Variants in CPNE8 observed in about 807,000 individuals in gnomAD.
CPNE8 encodes the protein copine 8, also known as copine-8.
CPNE8 carries 45 observed loss-of-function variants against 81.5 expected under a neutral mutation model. The observed-to-expected ratio is 0.55, with a 90% CI of 0.44 to 0.71. The LOEUF (loss-of-function observed/expected upper bound fraction) is 0.71, where lower values mean the gene tolerates loss of function less well. CPNE8 is among the 30% of genes least tolerant of loss of function. The pLI is 0.00. For missense variants in CPNE8, 594 were observed against 672.1 expected, an observed-to-expected ratio of 0.88 and a Z score of 1.28; for synonymous variants, 252 against 226.3, an observed-to-expected ratio of 1.11 and a Z score of -1.02.
intron 15 of CPNE8, among the ~76,000 whole-genome samples, chr12:38,689,191 T>C (rs1939612145): frequency 1.3e-5 from 2 of 152,194 alleles, no homozygotes. Flanking sequence ...TTTCCATTTA[T>C]AAAATAACAC....
In CPNE8 at chr12:38,724,912, A is replaced by G. The variant is rs556833253; in HGVS notation, c.799-13T>C. 10 of 1,523,146 alleles carry G rather than the reference A, an allele frequency of 6.6e-6. No homozygotes were observed. The East Asian group carries it at 2.1e-4, about 32-fold the overall frequency. 94.4% of individuals were successfully genotyped at this position (1,523,146 alleles called of 1,614,324 possible). On this transcript the variant is annotated splice_polypyrimidine_tract_variant and intron_variant, in intron 11 of 19. Transcript: ENST00000331366. ...TGGGATTCACCACCTTAAAAAGCAGATAAAACAATTAAAATGTGTTAGGTT... is the reference window on the plus strand; with the variant it reads ...TGGGATTCACCACCTTAAAAAGCAGGTAAAACAATTAAAATGTGTTAGGTT...
intron 1 of CPNE8, among the ~76,000 whole-genome samples, chr12:38,900,763 A>G (rs1327704946): frequency 6.6e-6 from 1 of 152,184 alleles, no homozygotes; most frequent in Non-Finnish European, 1.5e-5. Flanking sequence ...TATGGCACAC[A>G]TCTGTTTATC....
At chr12:38,898,731 C>T (rs1944420902) in intron 1 of CPNE8, among the ~76,000 whole-genome samples, 1 of 152,160 alleles carries the variant, frequency 6.6e-6, no homozygotes, top group Non-Finnish European at 1.5e-5. Context: ...TGTTTGAATG[C>T]TTTGATTCCT....
In CPNE8 at chr12:38,690,783, T is replaced by A. The variant is rs78150641; in HGVS notation, c.1143+2874A>T. On this transcript the variant is annotated intron_variant, in intron 15 of 19. Coordinates refer to ENST00000331366, the MANE Select transcript of CPNE8 (RefSeq NM_153634.3). Reference sequence around the variant, plus strand: ...TTTAGCTTAACACAATTATTCCTTTTCTTAGGCTTTAAAATAGCTCATGAC... The same window carrying A: ...TTTAGCTTAACACAATTATTCCTTTACTTAGGCTTTAAAATAGCTCATGAC... Among the ~76,000 whole-genome samples the A allele has an allele frequency of 5.1e-4, 78 of 152,330 alleles. No individual in the cohort carries two copies. The East Asian group carries it at 0.013, about 25-fold the overall frequency.
intron 7 of CPNE8, among the ~76,000 whole-genome samples, chr12:38,769,310 T>A (rs190145688): frequency 6.6e-5 from 10 of 152,304 alleles, no homozygotes. Flanking sequence ...CAACGTATAG[T>A]GACAATAGAG....
intron 6 of CPNE8, among the ~76,000 whole-genome samples, chr12:38,820,936 A>G (rs1210816528): frequency 6.6e-6 from 1 of 152,164 alleles, no homozygotes; most frequent in African/African-American, 2.4e-5. Context: ...ATCTTCTTCA[A>G]CCTAGACCAT....
intron 3 of CPNE8, among the ~76,000 whole-genome samples, chr12:38,851,036 C>T (rs559129485): frequency 3.2e-4 from 48 of 152,324 alleles, no homozygotes; most frequent in Middle Eastern, 3.4e-3. Flanking sequence ...ATTTGCCCTT[C>T]CGTCTTCCAC....
At chr12:38,681,615 C>T (rs1160165364) in intron 16 of CPNE8, among the ~76,000 whole-genome samples, 1 of 152,208 alleles carries the variant, frequency 6.6e-6, no homozygotes, top group Non-Finnish European at 1.5e-5. Context: ...AGTAAAGGAG[C>T]TTCATCCAAT....
intron 6 of CPNE8, among the ~76,000 whole-genome samples, chr12:38,783,568 G>A (rs1447568739): frequency 6.6e-6 from 1 of 152,106 alleles, no homozygotes; most frequent in African/African-American, 2.4e-5. Flanking sequence ...CCCACAGAGG[G>A]AGCATTTAAA....
In CPNE8 at chr12:38,653,153, C is replaced by G. The variant is rs998244239; in HGVS notation, c.*729G>C. Reference sequence around the variant, plus strand: ...TTTTTATAATTTCTACTTAGTGTTACAAAATACAAACCAACTGCAGTCTAA... The same window carrying G: ...TTTTTATAATTTCTACTTAGTGTTAGAAAATACAAACCAACTGCAGTCTAA... On this transcript the variant is annotated 3_prime_UTR_variant, in exon 20 of 20. Transcript: ENST00000331366. 6.6e-6 allele frequency: 1 copy of G among 152,328 alleles called. No individual in the cohort carries two copies. The highest frequency in any genetic ancestry group is 2.4e-5 in the African/African-American group (1 of 41,436). The allele number at this position is 152,328 out of a possible 1,614,324, so 9.4% of individuals were successfully genotyped here. A position where few individuals can be genotyped will look rare whatever the true frequency, so the allele number is the denominator to read the frequency against.
chr12:38,812,930 C>A (rs1321695324), intron 6 of CPNE8, among the ~76,000 whole-genome samples: 1 of 152,182 alleles, frequency 6.6e-6, no homozygotes, highest in Non-Finnish European at 1.5e-5. Context: ...ATTACCCAAT[C>A]TCAGGTATTC....
chr12:38,670,335 C>A (rs778697036), intron 19 of CPNE8, among the ~76,000 whole-genome samples: 12 of 152,068 alleles, frequency 7.9e-5, no homozygotes, highest in Non-Finnish European at 1.5e-4. Flanking sequence ...TAACGCCTTG[C>A]TTTCAATTAT....
At chr12:38,807,119 A>G (rs1410947375) in intron 6 of CPNE8, among the ~76,000 whole-genome samples, 1 of 152,126 alleles carries the variant, frequency 6.6e-6, no homozygotes, top group Non-Finnish European at 1.5e-5. Context: ...AACAAATGGA[A>G]GAACATTCCA....
At chr12:38,826,580 G>T (rs1943196971) in intron 6 of CPNE8, among the ~76,000 whole-genome samples, 1 of 152,058 alleles carries the variant, frequency 6.6e-6, no homozygotes, top group South Asian at 2.1e-4. Context: ...GTCTACCCTA[G>T]GTATCTTCAC....
At chr12:38,899,037 C>A (rs750037449) in intron 1 of CPNE8, among the ~76,000 whole-genome samples, 2 of 152,162 alleles carry the variant, frequency 1.3e-5, no homozygotes, top group Non-Finnish European at 2.9e-5. Flanking sequence ...AATATACCTG[C>A]TATCACAACT....
At chr12:38,895,432 C>G (rs1248737382) in intron 1 of CPNE8, among the ~76,000 whole-genome samples, 1 of 152,072 alleles carries the variant, frequency 6.6e-6, no homozygotes, top group Non-Finnish European at 1.5e-5. Context: ...TTTGCCCAGA[C>G]TATCACCTCT....
chr12:38,687,063 G>C (rs568971347), intron 15 of CPNE8, among the ~76,000 whole-genome samples: 1 of 152,084 alleles, frequency 6.6e-6, no homozygotes, highest in Non-Finnish European at 1.5e-5. Context: ...ACAGAGTTAG[G>C]AATAATTTTA....
At chr12:38,764,603 C>T (rs1160330554) in intron 8 of CPNE8, among the ~76,000 whole-genome samples, 3 of 109,028 alleles carry the variant, frequency 2.8e-5, no homozygotes, top group East Asian at 2.6e-4. Flanking sequence ...GGCGACAGAG[C>T]GAGACTCCGT....
intron 6 of CPNE8, among the ~76,000 whole-genome samples, chr12:38,812,848 C>T (rs558311999): frequency 6.6e-6 from 1 of 152,280 alleles, no homozygotes; most frequent in Non-Finnish European, 1.5e-5. Context: ...AAGTCCTTAC[C>T]GGACACTGTG....
Sources: gnomAD v4.1 joint callset for allele counts (sites outside exome capture counted in the v4.1 genomes callset) on GRCh38, gnomAD v4.1.1 for gene constraint, MANE v1.5 for transcripts, NCBI Gene and HGNC (gene_info 2026-07-23, HGNC 2026-07-21) for gene names.